PHF21A: variants seen among roughly 807,000 people sequenced by gnomAD.
The protein encoded by PHF21A is PHD finger protein 21A, also known as BHC80a.
PHF21A carries 11 observed loss-of-function variants against 82.5 expected under a neutral mutation model. That is an observed-to-expected ratio of 0.13 (90% CI 0.08 to 0.22). The LOEUF (loss-of-function observed/expected upper bound fraction) is 0.22. Among genes scored for constraint, PHF21A ranks in the 10% least tolerant of loss-of-function variants. The pLI, the probability that PHF21A is intolerant of heterozygous loss-of-function variation, is 1.00. For missense variants in PHF21A, 579 were observed against 837.8 expected (o/e 0.69, Z 3.81); for synonymous variants, 297 against 302.8 (o/e 0.98, Z 0.20).
At chr11:45,988,338 C>T (rs184022149) in intron 6 of PHF21A, among the ~76,000 whole-genome samples, 2 of 152,034 alleles carry the variant, frequency 1.3e-5, no homozygotes, top group East Asian at 3.9e-4. Flanking sequence ...TCTTAGAAGA[C>T]AGAAAAAGAC....
chr11:46,114,365 A>T (rs908932133), intron 1 of PHF21A, among the ~76,000 whole-genome samples: 7 of 152,234 alleles, frequency 4.6e-5, no homozygotes, highest in Admixed American at 4.6e-4. Flanking sequence ...CAGGAGGCCT[A>T]ACACAGGTGG....
intron 16 of PHF21A, among the ~76,000 whole-genome samples, chr11:45,937,131 G>C (rs1040106536): frequency 6.6e-6 from 1 of 152,212 alleles, no homozygotes; most frequent in African/African-American, 2.4e-5. Flanking sequence ...ACAGGCTGCA[G>C]GATGAGGACA....
intron 6 of PHF21A, among the ~76,000 whole-genome samples, chr11:46,062,852 A>C (rs992981555): frequency 7.9e-5 from 12 of 152,214 alleles, no homozygotes; most frequent in Non-Finnish European, 1.3e-4. Flanking sequence ...TCTCCACACA[A>C]AGACTTGGAC....
At chr11:46,007,470 T>C (rs143124439) in intron 6 of PHF21A, among the ~76,000 whole-genome samples, 210 of 152,134 alleles carry the variant, frequency 1.4e-3, no homozygotes, top group African/African-American at 4.7e-3. Context: ...CCCACGACCA[T>C]GTCCAGCTTA....
chr11:46,086,372 G>T (rs945688977), intron 3 of PHF21A, among the ~76,000 whole-genome samples: 2 of 152,102 alleles, frequency 1.3e-5, no homozygotes, highest in Admixed American at 1.3e-4. Flanking sequence ...GCCCGTCCTG[G>T]CCTCCCAAAG....
intron 6 of PHF21A, among the ~76,000 whole-genome samples, chr11:46,059,503 G>A (rs2096505088): frequency 6.6e-6 from 1 of 152,086 alleles, no homozygotes; most frequent in South Asian, 2.1e-4. Flanking sequence ...ATAGCTCACT[G>A]TAACCTCGAA....
In PHF21A at chr11:45,998,763, C is replaced by T. The variant is rs566372115; in HGVS notation, c.154-18797G>A. ...CGGACCTCAAGTCATCCACCTACCT[C>T]GGCTTCCCAAAGTGCTGGGATGCTG... On this transcript the variant is annotated intron_variant, in intron 6 of 18. Transcript: ENST00000676320. Among the ~76,000 whole-genome samples the T allele has an allele frequency of 4.6e-5, 7 of 151,820 alleles. No homozygotes were observed. In the South Asian group the frequency reaches 1.2e-3, roughly 27 times the overall value.
chr11:45,935,362 T>C, intron 18 of PHF21A: 2 of 846,620 alleles, frequency 2.4e-6, no homozygotes, highest in Non-Finnish European at 1.8e-6. Context: ...CTGTTGTAGC[T>C]GTTACTTATT....
chr11:46,040,502 C>T (rs986829251), intron 6 of PHF21A, among the ~76,000 whole-genome samples: 1 of 152,014 alleles, frequency 6.6e-6, no homozygotes, highest in Non-Finnish European at 1.5e-5. Context: ...GGCTCTGTAG[C>T]CCTTGTACAA....
At chr11:46,021,514 T>C (rs1335337751) in intron 6 of PHF21A, among the ~76,000 whole-genome samples, 2 of 152,128 alleles carry the variant, frequency 1.3e-5, no homozygotes, top group Admixed American at 6.5e-5. Context: ...GAGACCCTTA[T>C]TGCACATGTG....
At chr11:46,073,011 G>A (rs2096672376) in intron 6 of PHF21A, among the ~76,000 whole-genome samples, 2 of 152,094 alleles carry the variant, frequency 1.3e-5, no homozygotes, top group African/African-American at 4.8e-5. Context: ...GTGAGAATGA[G>A]AGTGAATCCT....
intron 3 of PHF21A, among the ~76,000 whole-genome samples, chr11:46,088,481 A>C (rs1289739918): frequency 6.6e-6 from 1 of 152,206 alleles, no homozygotes; most frequent in Non-Finnish European, 1.5e-5. Context: ...AAAAACAATA[A>C]TAAAATCCCA....
chr11:45,996,209 G>A (rs1312883307), intron 6 of PHF21A, among the ~76,000 whole-genome samples: 2 of 152,138 alleles, frequency 1.3e-5, no homozygotes, highest in African/African-American at 4.8e-5. Context: ...CTCCCAAAGT[G>A]AGCCACCATG....
intron 3 of PHF21A, among the ~76,000 whole-genome samples, chr11:46,085,566 C>A (rs1408289451): frequency 6.6e-6 from 1 of 152,080 alleles, no homozygotes; most frequent in Non-Finnish European, 1.5e-5. Context: ...CTTCAAATTT[C>A]TTTTCTTCTT....
At chr11:46,040,851 T>C (rs1174341507) in intron 6 of PHF21A, among the ~76,000 whole-genome samples, 3 of 151,630 alleles carry the variant, frequency 2.0e-5, no homozygotes, top group Admixed American at 6.6e-5. Flanking sequence ...TTTGGTTAAA[T>C]ATAAATCTAT....
intron 6 of PHF21A, among the ~76,000 whole-genome samples, chr11:46,070,857 G>A (rs1196627409): frequency 3.9e-5 from 6 of 152,202 alleles, no homozygotes; most frequent in African/African-American, 1.4e-4. Flanking sequence ...AGCATCAAAT[G>A]CATATCAATA....
chr11:45,968,641 C>T (rs1333323005), intron 9 of PHF21A, among the ~76,000 whole-genome samples: 1 of 152,046 alleles, frequency 6.6e-6, no homozygotes, highest in African/African-American at 2.4e-5. Flanking sequence ...TAAAAATAGG[C>T]AGGCAGGCCG....
intron 1 of PHF21A, among the ~76,000 whole-genome samples, chr11:46,115,259 T>C (rs2097274535): frequency 6.6e-6 from 1 of 152,194 alleles, no homozygotes; most frequent in African/African-American, 2.4e-5. Flanking sequence ...ACCTCACATA[T>C]AATTTCTAAA....
At chr11:45,977,158 G>C (rs1314999658) in intron 7 of PHF21A, among the ~76,000 whole-genome samples, 2 of 74,218 alleles carry the variant, frequency 2.7e-5, no homozygotes, top group Non-Finnish European at 5.2e-5. Context: ...TTTTTTTTTT[G>C]AGATGGAGTC....
Sources: allele counts gnomAD v4.1 joint callset (sites outside exome capture counted in the v4.1 genomes callset), GRCh38; gene constraint gnomAD v4.1.1; transcripts MANE v1.5; gene names NCBI Gene and HGNC (gene_info 2026-07-23, HGNC 2026-07-21).